Variants in FRYL observed in about 807,000 individuals in gnomAD.
FRYL encodes FRY like transcription coactivator.
In FRYL, 150 loss-of-function variants were observed where a neutral mutation model predicts 351.2. That is an observed-to-expected ratio of 0.43 (90% CI 0.37 to 0.49). The LOEUF is 0.49. Among genes scored for constraint, FRYL ranks in the 20% least tolerant of loss-of-function variants. The pLI, the probability that FRYL is intolerant of heterozygous loss-of-function variation, is 0.00. For missense variants in FRYL, 3,036 were observed against 3,619.3 expected, an observed-to-expected ratio of 0.84 and a Z score of 4.13; for synonymous variants, 1,153 against 1,257.1, an observed-to-expected ratio of 0.92 and a Z score of 1.75.
intron 3 of FRYL, among the ~76,000 whole-genome samples, chr4:48,650,882 T>A (rs1294868772): frequency 6.6e-6 from 1 of 151,788 alleles, no homozygotes; most frequent in Non-Finnish European, 1.5e-5. Context: ...CTACGGAAAT[T>A]TGAGTAGGCA....
chr4:48,658,554 T>C (rs1251356129), intron 3 of FRYL, among the ~76,000 whole-genome samples: 2 of 120,494 alleles, frequency 1.7e-5, no homozygotes, highest in African/African-American at 3.3e-5. Flanking sequence ...CTGGACAACA[T>C]GGCAAAACCC....
chr4:48,771,604 G>A (rs1314066499), intron 1 of FRYL, among the ~76,000 whole-genome samples: 2 of 152,006 alleles, frequency 1.3e-5, no homozygotes, highest in African/African-American at 4.8e-5. Context: ...ACATCCACAG[G>A]GTAGCATCTA....
At chr4:48,509,858 T>C (rs1419003279) in intron 59 of FRYL, among the ~76,000 whole-genome samples, 1 of 152,186 alleles carries the variant, frequency 6.6e-6, no homozygotes, top group Non-Finnish European at 1.5e-5. Flanking sequence ...TGGTTTTCCA[T>C]TGTGCTGTTA....
At chr4:48,743,102 A>C (rs1217353317) in intron 1 of FRYL, among the ~76,000 whole-genome samples, 1 of 149,650 alleles carries the variant, frequency 6.7e-6, no homozygotes, top group Admixed American at 6.8e-5. Context: ...TACAGGTGTG[A>C]GCCACCACAC....
chr4:48,509,668 C>A (rs992012412), intron 59 of FRYL, among the ~76,000 whole-genome samples: 3 of 152,126 alleles, frequency 2.0e-5, no homozygotes, highest in African/African-American at 7.2e-5. Context: ...ATGCTTTTTT[C>A]TCCCACTGCT....
rs77772179 is a variant in FRYL at position 48,670,833 on chromosome 4, T to C, written c.-81+13840A>G. Among the ~76,000 whole-genome samples, 115 of 152,334 alleles carry C rather than the reference T, an allele frequency of 7.5e-4. 2 individuals are homozygous for C. In the East Asian group the frequency reaches 0.015, roughly 20 times the overall value. ...CTGTGTGTATGTACCACATTTTCTT[T>C]ATCCATTAATCTGTTGGTGGACATT... is the stretch of plus-strand genomic sequence containing the variant. On this transcript the variant is annotated intron_variant, in intron 3 of 63. Coordinates refer to ENST00000358350, the MANE Select transcript of FRYL (RefSeq NM_015030.2).
chr4:48,678,109 T>A (rs1041722528), intron 3 of FRYL, among the ~76,000 whole-genome samples: 1 of 152,166 alleles, frequency 6.6e-6, no homozygotes, highest in East Asian at 1.9e-4. Flanking sequence ...AGAGAAGGTA[T>A]TGGCCGGGTG....
chr4:48,535,386 G>GA (rs1005690791), intron 48 of FRYL, among the ~76,000 whole-genome samples: 8 of 151,026 alleles, frequency 5.3e-5, no homozygotes, highest in East Asian at 1.9e-4. Flanking sequence ...ACTGGACATG[G>GA]AAAAAAAACC....
At chr4:48,506,036 A>AGAAGT (rs748198299) in intron 59 of FRYL, 9 of 155,732 alleles carry the variant, frequency 5.8e-5, no homozygotes, top group Non-Finnish European at 1.3e-4. Context: ...TTTGCTTATG[A>AGAAGT]GAAGTGTAAT....
At chr4:48,755,192 T>G (rs959905312) in intron 1 of FRYL, among the ~76,000 whole-genome samples, 4 of 152,204 alleles carry the variant, frequency 2.6e-5, no homozygotes, top group African/African-American at 9.6e-5. Context: ...CCCTTGTAAC[T>G]GTGCAGTTGG....
chr4:48,512,519 C>CA lies in FRYL; in HGVS notation c.8106dup (p.Ala2703CysfsTer10), dbSNP rs1435477115. The CA allele has an allele frequency of 6.2e-7, 1 of 1,614,012 alleles. No individual in the cohort carries two copies. The highest frequency in any genetic ancestry group is 1.7e-5 in the Admixed American group (1 of 60,012). On this transcript the variant is annotated frameshift_variant, in exon 57 of 64. Coordinates refer to ENST00000358350, the MANE Select transcript of FRYL (RefSeq NM_015030.2). LOFTEE classifies it high-confidence loss of function. The stretch of plus-strand genomic sequence containing the variant: ...GAAAACACATGAAAAGTAAACACTG[C>CA]AGAGGACCCGTCGGTGTCAGACAGC...
intron 2 of FRYL, among the ~76,000 whole-genome samples, chr4:48,708,144 T>TG (rs1363509928): frequency 6.6e-6 from 1 of 151,600 alleles, no homozygotes; most frequent in Admixed American, 6.6e-5. Context: ...AGAGACAGGG[T>TG]GGTAGGCACC....
intron 11 of FRYL, 31 bp downstream of exon 11, chr4:48,605,710 C>T (rs1746653835): frequency 7.4e-7 from 1 of 1,350,636 alleles, no homozygotes; most frequent in South Asian, 1.2e-5. Context: ...GTATAACACA[C>T]AAATGGTATG....
intron 13 of FRYL, among the ~76,000 whole-genome samples, chr4:48,599,369 T>G (rs1189035108): frequency 6.6e-6 from 1 of 152,194 alleles, no homozygotes; most frequent in Non-Finnish European, 1.5e-5. Context: ...AACTTTTCAG[T>G]GAAAATAACG....
chr4:48,727,247 A>G (rs1266415390), intron 1 of FRYL, among the ~76,000 whole-genome samples: 1 of 152,202 alleles, frequency 6.6e-6, no homozygotes, highest in Admixed American at 6.5e-5. Context: ...CTGGTTTCTG[A>G]TCTGACCTGA....
chr4:48,519,515 T>A (rs1010947219), intron 55 of FRYL, among the ~76,000 whole-genome samples: 1 of 151,790 alleles, frequency 6.6e-6, no homozygotes, highest in African/African-American at 2.4e-5. Flanking sequence ...TTTAATTTTT[T>A]ATTTTTGAGA....
intron 18 of FRYL, among the ~76,000 whole-genome samples, chr4:48,587,517 T>C (rs1026372194): frequency 2.6e-5 from 4 of 152,066 alleles, no homozygotes; most frequent in African/African-American, 9.7e-5. Context: ...AATTTGGATA[T>C]TCTCAGTGTT....
In FRYL at chr4:48,586,259, G is replaced by GT. The variant is rs372975913; in HGVS notation, c.1748+361dup. 1.4e-3 allele frequency among the ~76,000 whole-genome samples: 215 copies of GT among 152,208 alleles called. 1 individual carries two copies. The highest frequency in any genetic ancestry group is 4.6e-3 in the African/African-American group (191 of 41,530). On this transcript the variant is annotated intron_variant, in intron 19 of 63. Transcript: ENST00000358350. Reference sequence around the variant, plus strand: ...CACTAGAGATACTAAAGAAATGACTGTAAGAGTAAACACAATAATTAATTG... The same window carrying GT: ...CACTAGAGATACTAAAGAAATGACTGTTAAGAGTAAACACAATAATTAATTG...
intron 54 of FRYL, 26 bp downstream of exon 54, chr4:48,522,875 C>T: frequency 6.4e-7 from 1 of 1,560,342 alleles, no homozygotes; most frequent in Non-Finnish European, 8.8e-7. Context: ...GACCAAATGT[C>T]ACTGTAAGAA....
Sources: gnomAD v4.1 joint callset for allele counts (sites outside exome capture counted in the v4.1 genomes callset) on GRCh38, gnomAD v4.1.1 for gene constraint, MANE v1.5 for transcripts, NCBI Gene and HGNC (gene_info 2026-07-23, HGNC 2026-07-21) for gene names.